The following BDP1 variants were observed in gnomAD, a reference collection of about 807,000 sequenced individuals.
BDP1 encodes the protein transcription factor TFIIIB component B'' homolog.
A neutral mutation model predicts 266.6 loss-of-function variants in BDP1; 169 were observed. The ratio of observed to expected loss-of-function variants is 0.63; its 90% CI spans 0.56 to 0.72. The LOEUF (loss-of-function observed/expected upper bound fraction) is 0.72. Ranked by LOEUF, BDP1 falls within the 30% of genes least tolerant of loss-of-function variation. The pLI, the probability that BDP1 is intolerant of heterozygous loss-of-function variation, is 0.00. For synonymous variants in BDP1, 1,090 were observed against 1,022.4 expected (o/e 1.07, Z -1.26); for missense variants, 3,015 against 3,053.8 (o/e 0.99, Z 0.30).
At chr5:71,530,941 G>A (rs747155211) in intron 25 of BDP1, among the ~76,000 whole-genome samples, 1 of 152,068 alleles carries the variant, frequency 6.6e-6, no homozygotes, top group Admixed American at 6.5e-5. Context: ...AGGCATGGTG[G>A]CACATGCCTG....
At chr5:71,465,662 C>T (rs1761860235) in intron 4 of BDP1, among the ~76,000 whole-genome samples, 1 of 152,038 alleles carries the variant, frequency 6.6e-6, no homozygotes, top group Admixed American at 6.6e-5. Context: ...GCGGGTGGAT[C>T]ACGAGGTCAG....
chr5:71,565,869 T>C lies in BDP1; in HGVS notation c.*984T>C, dbSNP rs1743999891. The C allele has an allele frequency of 6.5e-6, 1 of 153,038 alleles. No individual in the cohort carries two copies. Among genetic ancestry groups the C allele is most frequent in the Admixed American group, 6.5e-5 (1 of 15,290 alleles). 9.5% of individuals were successfully genotyped at this position (153,038 alleles called of 1,614,324 possible). A position where few individuals can be genotyped will look rare whatever the true frequency, so the allele number is the denominator to read the frequency against. ...ACATTAGTCCTAATTGAAAAACTAG[T>C]ATTTAAACATAATTATTTATAAAGA... On this transcript the variant is annotated 3_prime_UTR_variant, in exon 39 of 39. Transcript: ENST00000358731.
chr5:71,572,967 G>A, the BDP1 span, among the ~76,000 whole-genome samples: 1 of 152,126 alleles, frequency 6.6e-6, no homozygotes, highest in Non-Finnish European at 1.5e-5. Context: ...GGTGGCTCAC[G>A]CCTGTAATCC....
At chr5:71,530,679 C>T (rs1055100711) in intron 25 of BDP1, among the ~76,000 whole-genome samples, 8 of 152,168 alleles carry the variant, frequency 5.3e-5, no homozygotes, top group African/African-American at 1.9e-4. Context: ...CCCCCGTGCT[C>T]ACTTGAATTT....
At chr5:71,489,785 GCTTATTAATTGGTTCTGTA>G (rs1223246877) in intron 10 of BDP1, 103 bp downstream of exon 10, 2 of 951,360 alleles carry the variant, frequency 2.1e-6, no homozygotes, top group South Asian at 3.4e-5. Flanking sequence ...AATTAATGAT[GCTTATTAATTGGTTCTGTA>G]CTAATGGTAC....
chr5:71,462,009 CTGGAG>C (rs1761606959), intron 3 of BDP1, 83 bp downstream of exon 3: 1 of 768,682 alleles, frequency 1.3e-6, no homozygotes, highest in African/African-American at 2.0e-5. Flanking sequence ...GTCACCCGGG[CTGGAG>C]TGCAGTGGTG....
chr5:71,551,553 T>A (rs1202913006), intron 34 of BDP1, among the ~76,000 whole-genome samples: 1 of 152,234 alleles, frequency 6.6e-6, no homozygotes, highest in Non-Finnish European at 1.5e-5. Context: ...CTCAATCTTT[T>A]CCTCACCTTT....
intron 16 of BDP1, 21 bp downstream of exon 16, chr5:71,504,772 AT>A (rs1764480569): frequency 6.2e-7 from 1 of 1,603,358 alleles, no homozygotes; most frequent in African/African-American, 1.3e-5. Flanking sequence ...TTTTGTTGAT[AT>A]ATAATCTTTG....
chr5:71,527,323 C>T (rs1321844895), intron 25 of BDP1, among the ~76,000 whole-genome samples: 3 of 152,224 alleles, frequency 2.0e-5, no homozygotes, highest in Admixed American at 6.5e-5. Flanking sequence ...TGAGCCCCAT[C>T]TCTATGCCGT....
At chr5:71,499,482 T>C (rs1236848034) in intron 13 of BDP1, among the ~76,000 whole-genome samples, 2 of 152,088 alleles carry the variant, frequency 1.3e-5, no homozygotes, top group African/African-American at 4.8e-5. Context: ...AGCTGGGCAT[T>C]GTGACACATG....
intron 6 of BDP1, among the ~76,000 whole-genome samples, chr5:71,468,411 G>C (rs1200204419): frequency 2.6e-5 from 4 of 151,592 alleles, no homozygotes; most frequent in South Asian, 2.1e-4. Flanking sequence ...GCCTCCCGAA[G>C]TGTTGAGATT....
Position 71,502,661 on chromosome 5 carries a change from T to C in BDP1, c.2111T>C (p.Val704Ala), listed in dbSNP as rs200175536. ...SQLKALRPVQ[V>A]RGRLQKPKPN... ...CTAAAGGCTTTAAGACCTGTACAAGTGAGGGGCCGATTGCAAAAGCCAAAG... is the reference window on the plus strand; with the variant it reads ...CTAAAGGCTTTAAGACCTGTACAAGCGAGGGGCCGATTGCAAAAGCCAAAG... The change falls in exon 15 of 39, where the codon GTG becomes GCG. Residue 704 changes from valine (V) to alanine (A), a missense_variant. By Grantham distance (64) the Val-to-Ala change is moderately conservative (BLOSUM62 0). Around this residue, in one of 3 missense-constraint regions of BDP1, gnomAD observed 2,383 missense variants for 2,404.9 expected, o/e 0.99. Transcript: ENST00000358731. The C allele has an allele frequency of 2.0e-4, 322 of 1,613,930 alleles. No individual in the cohort carries two copies. The highest frequency in any genetic ancestry group is 2.6e-4 in the Non-Finnish European group (306 of 1,179,992).
chr5:71,545,494 G>C, intron 32 of BDP1: 1 of 406,376 alleles, frequency 2.5e-6, no homozygotes, highest in African/African-American at 2.1e-5. Context: ...ACCACAGCCA[G>C]CTAGGTTTTG....
At chr5:71,504,363 AT>A (rs1764448160) in intron 15 of BDP1, among the ~76,000 whole-genome samples, 1 of 152,138 alleles carries the variant, frequency 6.6e-6, no homozygotes, top group Non-Finnish European at 1.5e-5. Flanking sequence ...CCACAGGGGT[AT>A]TTCTAACAGA....
At chr5:71,523,408 G>T (rs1236399344) in intron 24 of BDP1, among the ~76,000 whole-genome samples, 1 of 152,086 alleles carries the variant, frequency 6.6e-6, no homozygotes, top group African/African-American at 2.4e-5. Flanking sequence ...CCACCTCCCA[G>T]GTACAAGTGA....
At chr5:71,560,360 G>A (rs986143088) in intron 37 of BDP1, 123 bp downstream of exon 37, 3 of 1,097,658 alleles carry the variant, frequency 2.7e-6, no homozygotes, top group South Asian at 1.9e-5. Context: ...CATCAGTAAT[G>A]TAAAGGAAAA....
In BDP1 at chr5:71,513,885, A is replaced by AT. The variant is rs562114559; in HGVS notation, c.4470+489dup. ...AGGCGCGTGCTGCCATGTCCGGCTA[A>AT]TTTTTTTTTTTGTATTTTTAGTAGA... On this transcript the variant is annotated intron_variant, in intron 19 of 38. Coordinates refer to ENST00000358731, the MANE Select transcript of BDP1 (RefSeq NM_018429.3). Among the ~76,000 whole-genome samples the AT allele has an allele frequency of 3.4e-4, 50 of 146,422 alleles. 2 individuals are homozygous for AT. In the South Asian group the frequency reaches 3.5e-3, roughly 10 times the overall value.
chr5:71,464,414 G>A (rs1039893511), intron 4 of BDP1, among the ~76,000 whole-genome samples: 4 of 152,024 alleles, frequency 2.6e-5, no homozygotes, highest in Non-Finnish European at 2.9e-5. Context: ...AGGATCGCTC[G>A]AGCCCACATG....
At position 71,564,734 on chromosome 5, in the gene BDP1, T is replaced by C; in HGVS notation, c.7744-20T>C. On this transcript the variant is annotated intron_variant, in intron 38 of 38. Transcript: ENST00000358731. ...TTGTATTACAGTTTTATTTTTACTT[T>C]ATTTTTATTACCTTTTTAGGTTTCT... is the stretch of plus-strand genomic sequence containing the variant. The C allele has an allele frequency of 1.9e-6, 3 of 1,581,402 alleles. No homozygotes were observed. The highest frequency in any genetic ancestry group is 2.6e-6 in the Non-Finnish European group (3 of 1,163,998).
Sources: allele counts gnomAD v4.1 joint callset (sites outside exome capture counted in the v4.1 genomes callset), GRCh38; gene constraint gnomAD v4.1.1; regional missense constraint gnomAD v4.1.1; transcripts MANE v1.5; gene names NCBI Gene and HGNC (gene_info 2026-07-23, HGNC 2026-07-21).